Variants in MYOM1 observed in about 807,000 individuals in gnomAD.
MYOM1 encodes myomesin-1.
Under a neutral mutation model 205.3 loss-of-function variants are expected in MYOM1, and 164 were observed. The observed-to-expected ratio is 0.80, with a 90% CI of 0.70 to 0.91. MYOM1 has a LOEUF of 0.91. Ranked by LOEUF, MYOM1 falls within the 40% of genes least tolerant of loss-of-function variation. MYOM1 has a pLI of 0.00. For missense variants in MYOM1, 2,011 were observed against 2,127.3 expected (o/e 0.95, Z 1.08); for synonymous variants, 772 against 789.4 (o/e 0.98, Z 0.37).
intron 5 of MYOM1, among the ~76,000 whole-genome samples, chr18:3,182,941 T>C (rs1440334131): frequency 1.4e-5 from 2 of 144,672 alleles, no homozygotes; most frequent in Admixed American, 6.8e-5. Flanking sequence ...TTTTTTTTTT[T>C]TGAGACAGAG....
the MYOM1 span, among the ~76,000 whole-genome samples, chr18:3,225,883 T>C: frequency 6.6e-6 from 1 of 152,214 alleles, no homozygotes. Flanking sequence ...TCTTTTTGCT[T>C]TCCTGTGGTC....
intron 16 of MYOM1, among the ~76,000 whole-genome samples, chr18:3,133,498 T>C (rs573241730): frequency 6.6e-6 from 1 of 152,158 alleles, no homozygotes; most frequent in East Asian, 1.9e-4. Context: ...AGGCAGCAAA[T>C]TATTCTGAAT....
Position 3,112,913 on chromosome 18 carries a change from C to T in MYOM1, c.3304-501G>A, listed in dbSNP as rs569154328. ...TCCATTTGTTTAAAAGCATGTTAAACTACTAAAACCAAAACAAACAATAAT... is the reference window on the plus strand; with the variant it reads ...TCCATTTGTTTAAAAGCATGTTAAATTACTAAAACCAAAACAAACAATAAT... On this transcript the variant is annotated intron_variant, in intron 21 of 37. Transcript: ENST00000356443. Among the ~76,000 whole-genome samples, 354 of 152,192 alleles carry T rather than the reference C, an allele frequency of 2.3e-3. 2 individuals are homozygous for T. Among genetic ancestry groups the T allele is most frequent in the Non-Finnish European group, 3.7e-3 (253 of 68,014 alleles).
rs1236036090 is a variant in MYOM1 at position 3,152,928 on chromosome 18, TGTAAA to T, written c.1644-1040_1644-1036del. 6.6e-6 allele frequency among the ~76,000 whole-genome samples: 1 copy of T among 152,184 alleles called. No individual in the cohort carries two copies. The highest frequency in any genetic ancestry group is 2.4e-5 in the African/African-American group (1 of 41,446). ...ATAGACAACTTCCTCACTTTCCTTATGTAAAGTGCTGTCAAATGTGGCTTCAATCC... is the reference window on the plus strand; with the variant it reads ...ATAGACAACTTCCTCACTTTCCTTATGTGCTGTCAAATGTGGCTTCAATCC... On this transcript the variant is annotated intron_variant, in intron 11 of 37. Transcript: ENST00000356443. The surrounding 1 kb of genome is among the most constrained non-coding windows in gnomAD (Gnocchi z 4.3).
Position 3,168,869 on chromosome 18 carries a change from G to A in MYOM1, c.1287C>T (p.Val429=). 6.2e-7 allele frequency: 1 copy of A among 1,613,842 alleles called. No homozygotes were observed. Among genetic ancestry groups the A allele is most frequent in the Non-Finnish European group, 8.5e-7 (1 of 1,179,858 alleles). ...GGAAATGTTTAATTTCAGGAGTGATGACAACACGACAGCCTAGACTCATTG... is the reference window on the plus strand; with the variant it reads ...GGAAATGTTTAATTTCAGGAGTGATAACAACACGACAGCCTAGACTCATTG... ...GETMSLGCRV[V]ITPEIKHFQP... Residue 429 remains valine, a synonymous_variant, in exon 9 of 38, where the codon GTC becomes GTT. Transcript: ENST00000356443.
chr18:3,068,536 C>T lies in MYOM1; in HGVS notation c.4765-981G>A, dbSNP rs531586034. Among the ~76,000 whole-genome samples, 7 of 152,252 alleles carry T rather than the reference C, an allele frequency of 4.6e-5. No individual in the cohort carries two copies. The South Asian group carries it at 1.2e-3, about 27-fold the overall frequency. ...TTTATACCCACACCCACCTCTCCTCCAACTTCCAAACTCTGTTCCTAATCT... is the reference window on the plus strand; with the variant it reads ...TTTATACCCACACCCACCTCTCCTCTAACTTCCAAACTCTGTTCCTAATCT... On this transcript the variant is annotated intron_variant, in intron 37 of 37. Transcript: ENST00000356443.
rs1598700002 is a variant in MYOM1 at position 3,126,703 on chromosome 18, T to C, written c.2989A>G (p.Lys997Glu). 1.2e-6 allele frequency: 2 copies of C among 1,611,956 alleles called. No individual in the cohort carries two copies. Among genetic ancestry groups the C allele is most frequent in the African/African-American group, 1.3e-5 (1 of 74,898 alleles). ...NVKAVSEEAY[K>E]ISNLKENMVY... is the part of the protein sequence containing the mutation. ...ACTACAGAAAGTCACGTGCTTACCTTGTATGCCTCCTCACTGACAGCCTTG... is the reference window on the plus strand; with the variant it reads ...ACTACAGAAAGTCACGTGCTTACCTCGTATGCCTCCTCACTGACAGCCTTG... The change falls in exon 19 of 38, where the codon AAG (lysine) becomes GAG (glutamate). Residue 997 changes from lysine (K) to glutamate (E), a missense_variant and splice_region_variant. Coordinates refer to ENST00000356443, the MANE Select transcript of MYOM1 (RefSeq NM_003803.4).
At position 3,152,609 on chromosome 18, in the gene MYOM1, T is replaced by C. The variant is rs961737410; in HGVS notation, c.1644-716A>G. 6.6e-6 allele frequency among the ~76,000 whole-genome samples: 1 copy of C among 152,242 alleles called. No individual in the cohort carries two copies. Among genetic ancestry groups the C allele is most frequent in the Non-Finnish European group, 1.5e-5 (1 of 68,044 alleles). Reference sequence around the variant, plus strand: ...CAGACAAATATGACAGCTCATATCATGCTGTTGGCCTGATCAACAAAGCTT... The same window carrying C: ...CAGACAAATATGACAGCTCATATCACGCTGTTGGCCTGATCAACAAAGCTT... On this transcript the variant is annotated intron_variant, in intron 11 of 37. Transcript: ENST00000356443. The surrounding 1 kb of genome is among the most constrained non-coding windows in gnomAD (Gnocchi z 4.3).
chr18:3,167,431 T>G (rs2080487838), intron 9 of MYOM1, among the ~76,000 whole-genome samples: 1 of 152,272 alleles, frequency 6.6e-6, no homozygotes, highest in African/African-American at 2.4e-5. Flanking sequence ...TAGCCCAGGC[T>G]GGAGTGCAAT....
intron 26 of MYOM1, among the ~76,000 whole-genome samples, chr18:3,093,269 C>A (rs2079252036): frequency 6.6e-6 from 1 of 152,152 alleles, no homozygotes; most frequent in Non-Finnish European, 1.5e-5. Context: ...TCTGCCCTTT[C>A]AGTTTCCCAT....
intron 3 of MYOM1, among the ~76,000 whole-genome samples, chr18:3,192,591 G>A (rs1008453460): frequency 6.6e-6 from 1 of 152,142 alleles, no homozygotes; most frequent in African/African-American, 2.4e-5. Flanking sequence ...GCTCTTAGAG[G>A]ATGGCCTCAC....
At chr18:3,104,949 A>G (rs1214547378) in intron 22 of MYOM1, among the ~76,000 whole-genome samples, 6 of 151,966 alleles carry the variant, frequency 3.9e-5, no homozygotes, top group African/African-American at 1.4e-4. Flanking sequence ...GGCTTTTGCC[A>G]TGTTGGCCAG....
At chr18:3,166,983 T>C (rs73375122) in intron 9 of MYOM1, among the ~76,000 whole-genome samples, 15,454 of 152,268 alleles carry the variant, frequency 0.1, 1,737 homozygotes, top group African/African-American at 0.28. Flanking sequence ...GCTCTCTCCA[T>C]GACACATCTT....
In MYOM1 at chr18:3,079,340, C is replaced by A. The variant is rs1285114574; in HGVS notation, c.4487G>T (p.Gly1496Val). ...EDLKVNWSHN[G>V]SAIRYSDRVK... ...TCTGTCTGAGTACCTAATGGCGGACCCACTGTGAAAATCGAAGAAAACTTC... is the reference window on the plus strand; with the variant it reads ...TCTGTCTGAGTACCTAATGGCGGACACACTGTGAAAATCGAAGAAAACTTC... Residue 1496 changes from glycine (G) to valine (V), a missense_variant and splice_region_variant, in exon 34 of 38, where the codon GGG (glycine) becomes GTG (valine). Transcript: ENST00000356443. The A allele has an allele frequency of 2.5e-6, 4 of 1,603,582 alleles. No individual in the cohort carries two copies. The highest frequency in any genetic ancestry group is 3.4e-6 in the Non-Finnish European group (4 of 1,173,008).
chr18:3,108,016 T>C (rs1567908939), intron 22 of MYOM1, among the ~76,000 whole-genome samples: 1 of 152,176 alleles, frequency 6.6e-6, no homozygotes, highest in Non-Finnish European at 1.5e-5. Context: ...CCTAAGATTG[T>C]TTTCTTTTAG....
At chr18:3,089,857 A>G (rs1386485657) in intron 27 of MYOM1, among the ~76,000 whole-genome samples, 3 of 152,252 alleles carry the variant, frequency 2.0e-5, no homozygotes, top group African/African-American at 7.2e-5. Context: ...TTGCCTTCGT[A>G]ACTGCCACAT....
chr18:3,204,925 T>C (rs2081110620), intron 2 of MYOM1, among the ~76,000 whole-genome samples: 1 of 152,074 alleles, frequency 6.6e-6, no homozygotes, highest in South Asian at 2.1e-4. Context: ...TATGGTCAAG[T>C]GATTTTTGAT....
Position 3,142,070 on chromosome 18 carries a change from A to T in MYOM1, c.1901-7T>A, listed in dbSNP as rs1385302840. 1 of 1,612,376 alleles carries T rather than the reference A, an allele frequency of 6.2e-7. No homozygotes were observed. The highest frequency in any genetic ancestry group is 8.5e-7 in the Non-Finnish European group (1 of 1,179,028). On this transcript the variant is annotated splice_polypyrimidine_tract_variant and splice_region_variant and intron_variant, in intron 13 of 37. Coordinates refer to ENST00000356443, the MANE Select transcript of MYOM1 (RefSeq NM_003803.4). ...GGGCCAGGCACAATACCCTCTGAAAAACAACAAGGAAAAATGAGAAGCACA... is the reference window on the plus strand; with the variant it reads ...GGGCCAGGCACAATACCCTCTGAAATACAACAAGGAAAAATGAGAAGCACA...
At chr18:3,187,326 T>C (rs2080831305) in intron 5 of MYOM1, among the ~76,000 whole-genome samples, 154 bp downstream of exon 5, 1 of 152,240 alleles carries the variant, frequency 6.6e-6, no homozygotes. Context: ...TACAAATTCA[T>C]CTCAATGCCT....
Sources: allele counts gnomAD v4.1 joint callset (sites outside exome capture counted in the v4.1 genomes callset), GRCh38; gene constraint gnomAD v4.1.1; non-coding constraint Gnocchi (gnomAD v3.1); transcripts MANE v1.5; gene names NCBI Gene and HGNC (gene_info 2026-07-23, HGNC 2026-07-21).